The following GLUD2 variants were observed in gnomAD, a reference collection of about 807,000 sequenced individuals.
GLUD2 encodes glutamate dehydrogenase 2.
Under a neutral mutation model 16.2 loss-of-function variants are expected in GLUD2, and 11 were observed. The ratio of observed to expected loss-of-function variants is 0.68; its 90% CI spans 0.43 to 1.13. The LOEUF is 1.13. GLUD2 is among the 50% of genes most tolerant of loss of function. The pLI is 0.00. For missense variants in GLUD2, 360 were observed against 456.4 expected (o/e 0.79, Z 1.93); for synonymous variants, 147 against 181.9 (o/e 0.81, Z 1.55).
In GLUD2 at chrX:121,047,930, G is replaced by A; in HGVS notation, c.246G>A (p.Glu82=). Residue 82 remains glutamate (E), a synonymous_variant, in exon 1 of 1, where the codon GAG becomes GAA. Coordinates refer to ENST00000328078, the MANE Select transcript of GLUD2 (RefSeq NM_012084.4). ...TCGATCGCGGCGCCAGCATCGTGGA[G>A]GACAAGTTGGTGAAGGACCTGAGGA... ...GFFDRGASIV[E]DKLVKDLRTQ... The A allele has an allele frequency of 8.3e-7, 1 of 1,211,653 alleles. No individual in the cohort carries two copies. Among genetic ancestry groups the A allele is most frequent in the Non-Finnish European group, 1.1e-6 (1 of 895,619 alleles).
Position 121,048,816 on chromosome X carries a change from A to T in GLUD2, c.1132A>T (p.Ile378Leu). ...AAGCATCTTGGAGGTCGACTGTGACATACTGATCCCAGCTGCCACTGAGAA... is the reference window on the plus strand; with the variant it reads ...AAGCATCTTGGAGGTCGACTGTGACTTACTGATCCCAGCTGCCACTGAGAA... ...EGSILEVDCD[I>L]LIPAATEKQL... Residue 378 changes from isoleucine (I) to leucine (L), a missense_variant, in exon 1 of 1, where the codon ATA becomes TTA. Around this residue, in one of 3 missense-constraint regions of GLUD2, gnomAD observed 279 missense variants for 352.9 expected, o/e 0.79. Coordinates refer to ENST00000328078, the MANE Select transcript of GLUD2 (RefSeq NM_012084.4). 2.5e-6 allele frequency: 3 copies of T among 1,211,895 alleles called. No individual in the cohort carries two copies. The highest frequency in any genetic ancestry group is 2.2e-6 in the Non-Finnish European group (2 of 895,577).
In GLUD2 at chrX:121,048,516, C is replaced by T. The variant is rs1408754113; in HGVS notation, c.832C>T (p.His278Tyr). Residue 278 changes from histidine to tyrosine, a missense_variant, in exon 1 of 1, where the codon CAT (histidine) becomes TAT (tyrosine). Transcript: ENST00000328078. Reference protein sequence around the residue: ...RISATGRGVFHGIENFINEAS... With the variant: ...RISATGRGVFYGIENFINEAS... Reference sequence around the variant, plus strand: ...CTCTGCTACTGGCCGTGGTGTCTTCCATGGGATTGAAAACTTCATCAATGA... The same window carrying T: ...CTCTGCTACTGGCCGTGGTGTCTTCTATGGGATTGAAAACTTCATCAATGA... The T allele has an allele frequency of 8.3e-7, 1 of 1,211,752 alleles. No individual in the cohort carries two copies. Among genetic ancestry groups the T allele is most frequent in the Admixed American group, 2.2e-5 (1 of 46,068 alleles).
chrX:121,049,215 G>A lies in GLUD2; in HGVS notation c.1531G>A (p.Ala511Thr). The part of the protein sequence containing the change: ...SEKDIVHSAL[A>T]YTMERSARQI... ...GAAAGACATTGTGCACTCTGCCTTG[G>A]CATACACAATGGAGCGTTCTGCCAG... Residue 511 changes from alanine (A) to threonine (T), a missense_variant, in exon 1 of 1, where the codon GCA becomes ACA. By Grantham distance (58) the Ala-to-Thr change is moderately conservative (BLOSUM62 0). Around this residue, in one of 3 missense-constraint regions of GLUD2, gnomAD observed 279 missense variants for 352.9 expected, o/e 0.79. Transcript: ENST00000328078. 1 of 1,211,568 alleles carries A rather than the reference G, an allele frequency of 8.3e-7. No individual in the cohort carries two copies.
At position 121,047,832 on chromosome X, in the gene GLUD2, C is replaced by T. The variant is rs774912140; in HGVS notation, c.148C>T (p.Arg50Trp). ...GCAGCCGGGGCTCGCATTGGCCGCC[C>T]GGCGCCACTACAGCGAGTTGGTGGC... ...ASQPGLALAARRHYSELVADR... is the reference protein window; with the variant it reads ...ASQPGLALAAWRHYSELVADR... Residue 50 changes from arginine (R) to tryptophan (W), a missense_variant, in exon 1 of 1, where the codon CGG becomes TGG. Transcript: ENST00000328078. The T allele has an allele frequency of 3.0e-5, 36 of 1,207,912 alleles. No homozygotes were observed. The highest frequency in any genetic ancestry group is 5.3e-5 in the South Asian group (3 of 56,822).
Position 121,048,567 on chromosome X carries a change from A to G in GLUD2, c.883A>G (p.Met295Val), listed in dbSNP as rs749591234. The change falls in exon 1 of 1, where the codon ATG (methionine) becomes GTG (valine). Residue 295 changes from methionine to valine, a missense_variant. This residue lies in a region of GLUD2 where 279 missense variants were observed against 352.9 expected (regional missense o/e 0.79). Coordinates refer to ENST00000328078, the MANE Select transcript of GLUD2 (RefSeq NM_012084.4). ...AGCTTCTTACATGAGCATTTTAGGA[A>G]TGACACCAGGGTTTAGAGATAAAAC... ...NEASYMSILG[M>V]TPGFRDKTFV... 7 of 1,212,037 alleles carry G rather than the reference A, an allele frequency of 5.8e-6. No individual in the cohort carries two copies. Among genetic ancestry groups the G allele is most frequent in the Non-Finnish European group, 7.8e-6 (7 of 895,546 alleles).
chrX:121,048,645 C>A lies in GLUD2; in HGVS notation c.961C>A (p.His321Asn), dbSNP rs967231701. ...GGGCCTACACTCTATGAGATATTTA[C>A]ATCGTTTTGGTGCTAAATGTATTGC... The part of the protein sequence containing the change: ...NVGLHSMRYL[H>N]RFGAKCIAVG... The change falls in exon 1 of 1, where the codon CAT becomes AAT. Residue 321 changes from histidine (H) to asparagine (N), a missense_variant. His to Asn is a moderately conservative substitution (Grantham distance 68, BLOSUM62 1). Coordinates refer to ENST00000328078, the MANE Select transcript of GLUD2 (RefSeq NM_012084.4). 1.7e-6 allele frequency: 2 copies of A among 1,209,254 alleles called. No individual in the cohort carries two copies. Among genetic ancestry groups the A allele is most frequent in the African/African-American group, 3.5e-5 (2 of 57,153 alleles).
rs374160903 is a variant in GLUD2, at chrX:121,048,330, G to A, written c.646G>A (p.Gly216Ser). ...TMELAKKGFI[G>S]PGVDVPAPDM... ...GGAGCTAGCAAAGAAGGGCTTTATTGGTCCTGGCGTTGATGTGCCTGCTCC... is the reference window on the plus strand; with the variant it reads ...GGAGCTAGCAAAGAAGGGCTTTATTAGTCCTGGCGTTGATGTGCCTGCTCC... Residue 216 changes from glycine to serine, a missense_variant, in exon 1 of 1, where the codon GGT (glycine) becomes AGT (serine). By Grantham distance (56) the Gly-to-Ser change is moderately conservative (BLOSUM62 0). Around this residue, in one of 3 missense-constraint regions of GLUD2, gnomAD observed 279 missense variants for 352.9 expected, o/e 0.79. Transcript: ENST00000328078. The A allele has an allele frequency of 8.3e-7, 1 of 1,209,903 alleles. No homozygotes were observed. The highest frequency in any genetic ancestry group is 1.8e-5 in the African/African-American group (1 of 57,047).
At position 121,048,437 on chromosome X, in the gene GLUD2, A is replaced by G. The variant is rs1203955257; in HGVS notation, c.753A>G (p.Ala251=). The G allele has an allele frequency of 8.3e-7, 1 of 1,211,508 alleles. No individual in the cohort carries two copies. The highest frequency in any genetic ancestry group is 1.1e-6 in the Non-Finnish European group (1 of 895,496). The change falls in exon 1 of 1, where the codon GCA becomes GCG. Residue 251 remains alanine, a synonymous_variant. Transcript: ENST00000328078. ...CCATAGGGCACTATGATATTAATGC[A>G]CACGCCTGTGTTACTGGTAAACCCA... is the stretch of plus-strand genomic sequence containing the variant. ...ASTIGHYDIN[A]HACVTGKPIS...
In GLUD2 at chrX:121,048,427, A is replaced by C. The variant is rs759066690; in HGVS notation, c.743A>C (p.Asp248Ala). ...TATGCCAGCACCATAGGGCACTATGATATTAATGCACACGCCTGTGTTACT... is the reference window on the plus strand; with the variant it reads ...TATGCCAGCACCATAGGGCACTATGCTATTAATGCACACGCCTGTGTTACT... ...DTYASTIGHY[D>A]INAHACVTGK... Residue 248 changes from aspartate (D) to alanine (A), a missense_variant, in exon 1 of 1, where the codon GAT becomes GCT. By Grantham distance (126) the Asp-to-Ala change is moderately radical (BLOSUM62 -2). Transcript: ENST00000328078. 3.1e-5 allele frequency: 38 copies of C among 1,209,396 alleles called. No homozygotes were observed. The highest frequency in any genetic ancestry group is 4.1e-5 in the Non-Finnish European group (37 of 895,081).
chrX:121,049,204 A>G lies in GLUD2; in HGVS notation c.1520A>G (p.His507Arg). ...GGTGCATCTGAGAAAGACATTGTGC[A>G]CTCTGCCTTGGCATACACAATGGAG... is the stretch of plus-strand genomic sequence containing the variant. ...ISGASEKDIV[H>R]SALAYTMERS... The change falls in exon 1 of 1, where the codon CAC (histidine) becomes CGC (arginine). Residue 507 changes from histidine to arginine, a missense_variant. Physicochemically the swap from His to Arg is conservative, Grantham distance 29. This residue lies in a region of GLUD2 where 279 missense variants were observed against 352.9 expected (regional missense o/e 0.79). Coordinates refer to ENST00000328078, the MANE Select transcript of GLUD2 (RefSeq NM_012084.4). 8.3e-7 allele frequency: 1 copy of G among 1,211,726 alleles called. No homozygotes were observed. Among genetic ancestry groups the G allele is most frequent in the Non-Finnish European group, 1.1e-6 (1 of 895,374 alleles).
At position 121,047,649 on chromosome X, in the gene GLUD2, C is replaced by T. The variant is rs201555004; in HGVS notation, c.-36C>T. The T allele has an allele frequency of 3.1e-3, 2,955 of 948,107 alleles. 9 individuals are homozygous for T. The highest frequency in any genetic ancestry group is 3.6e-3 in the Non-Finnish European group (2,624 of 730,491). 78.1% of individuals were successfully genotyped at this position (948,107 alleles called of 1,213,427 possible). A position where few individuals can be genotyped will look rare whatever the true frequency, so the allele number is the denominator to read the frequency against. ...GGGAGTCTGAGAAAGCGCACCTGTTCCGCGACCGTCACGCACCCCTCCTCC... is the reference window on the plus strand; with the variant it reads ...GGGAGTCTGAGAAAGCGCACCTGTTTCGCGACCGTCACGCACCCCTCCTCC... On this transcript the variant is annotated 5_prime_UTR_variant, in exon 1 of 1. Transcript: ENST00000328078.
At position 121,047,695 on chromosome X, in the gene GLUD2, A is replaced by T; in HGVS notation, c.11A>T (p.Tyr4Phe). 1 of 1,091,989 alleles carries T rather than the reference A, an allele frequency of 9.2e-7. No individual in the cohort carries two copies. Among genetic ancestry groups the T allele is most frequent in the Non-Finnish European group, 1.2e-6 (1 of 833,183 alleles). 90.0% of individuals were successfully genotyped at this position (1,091,989 alleles called of 1,213,427 possible). The stretch of plus-strand genomic sequence containing the variant: ...CCTCCGCCTGCCGCGATGTACCGCT[A>T]CCTGGCCAAAGCGCTGCTGCCGTCC... MYR[Y>F]LAKALLPSRA... Residue 4 changes from tyrosine (Y) to phenylalanine (F), a missense_variant, in exon 1 of 1, where the codon TAC (tyrosine) becomes TTC (phenylalanine). Tyr to Phe is a conservative substitution (Grantham distance 22). This residue lies in a region of GLUD2 where 58 missense variants were observed against 49.9 expected (regional missense o/e 1.16). Coordinates refer to ENST00000328078, the MANE Select transcript of GLUD2 (RefSeq NM_012084.4).
chrX:121,048,918 G>C lies in GLUD2; in HGVS notation c.1234G>C (p.Glu412Gln), dbSNP rs1925433397. 1 of 1,211,948 alleles carries C rather than the reference G, an allele frequency of 8.3e-7. No homozygotes were observed. The highest frequency in any genetic ancestry group is 1.7e-5 in the African/African-American group (1 of 57,846). The stretch of plus-strand genomic sequence containing the variant: ...AGGTGCCAATGGGCCAACAACTCCA[G>C]AAGCTGATAAGATCTTCCTGGAGAG... ...AEGANGPTTP[E>Q]ADKIFLERNI... The change falls in exon 1 of 1, where the codon GAA (glutamate) becomes CAA (glutamine). Residue 412 changes from glutamate to glutamine, a missense_variant. Coordinates refer to ENST00000328078, the MANE Select transcript of GLUD2 (RefSeq NM_012084.4).
chrX:121,048,283 A>T lies in GLUD2; in HGVS notation c.599A>T (p.Lys200Met). The change falls in exon 1 of 1, where the codon AAG (lysine) becomes ATG (methionine). Residue 200 changes from lysine (K) to methionine (M), a missense_variant. Transcript: ENST00000328078. ...PKNYTENELEKITRRFTMELA... is the reference protein window; with the variant it reads ...PKNYTENELEMITRRFTMELA... ...AACTATACCGAAAATGAATTGGAAA[A>T]GATCACAAGGAGGTTCACCATGGAG... The T allele has an allele frequency of 1.7e-6, 2 of 1,211,849 alleles. No individual in the cohort carries two copies. Among genetic ancestry groups the T allele is most frequent in the Non-Finnish European group, 1.1e-6 (1 of 895,435 alleles).
chrX:121,049,132 G>A lies in GLUD2; in HGVS notation c.1448G>A (p.Gly483Glu). 1 of 1,211,730 alleles carries A rather than the reference G, an allele frequency of 8.3e-7. No individual in the cohort carries two copies. Among genetic ancestry groups the A allele is most frequent in the African/African-American group, 1.7e-5 (1 of 57,815 alleles). The change falls in exon 1 of 1, where the codon GGA (glycine) becomes GAA (glutamate). Residue 483 changes from glycine (G) to glutamate (E), a missense_variant. Physicochemically the swap from Gly to Glu is moderately conservative, Grantham distance 98. Around this residue, in one of 3 missense-constraint regions of GLUD2, gnomAD observed 279 missense variants for 352.9 expected, o/e 0.79. Transcript: ENST00000328078. ...SLERKFGKHGGTIPIVPTAEF... is the reference protein window; with the variant it reads ...SLERKFGKHGETIPIVPTAEF... ...GAAAGAAAATTTGGAAAGCATGGTGGAACTATTCCCATTGTACCCACGGCA... is the reference window on the plus strand; with the variant it reads ...GAAAGAAAATTTGGAAAGCATGGTGAAACTATTCCCATTGTACCCACGGCA...
In GLUD2 at chrX:121,048,459, CCCATCAG is replaced by C. The variant is rs1442807529; in HGVS notation, c.779_785del (p.Ile260LysfsTer29). 1 of 1,209,685 alleles carries C rather than the reference CCCATCAG, an allele frequency of 8.3e-7. No individual in the cohort carries two copies. The highest frequency in any genetic ancestry group is 1.1e-6 in the Non-Finnish European group (1 of 895,240). On this transcript the variant is annotated frameshift_variant, in exon 1 of 1. Transcript: ENST00000328078. LOFTEE classifies it high-confidence loss of function. ...TGCACACGCCTGTGTTACTGGTAAACCCATCAGCCAAGGGGGAATCCATGGACGCATC... is the reference window on the plus strand; with the variant it reads ...TGCACACGCCTGTGTTACTGGTAAACCCAAGGGGGAATCCATGGACGCATC...
rs1442787411 is a variant in GLUD2, at chrX:121,049,115, A to G, written c.1431A>G (p.Lys477=). Residue 477 remains lysine (K), a synonymous_variant, in exon 1 of 1, where the codon AAA becomes AAG. Transcript: ENST00000328078. ...CTGTTCAAGAGAGTTTAGAAAGAAA[A>G]TTTGGAAAGCATGGTGGAACTATTC... ...LLSVQESLER[K]FGKHGGTIPI... is the part of the protein sequence containing the mutation. The G allele has an allele frequency of 3.3e-6, 4 of 1,211,896 alleles. No homozygotes were observed. The Admixed American group carries it at 6.5e-5, about 20-fold the overall frequency.
At position 121,049,311 on chromosome X, in the gene GLUD2, A is replaced by G; in HGVS notation, c.1627A>G (p.Ile543Val). The G allele has an allele frequency of 1.7e-6, 2 of 1,211,003 alleles. No homozygotes were observed. Among genetic ancestry groups the G allele is most frequent in the South Asian group, 1.8e-5 (1 of 56,966 alleles). ...GAGAACAGCTGCCTATGTCAATGCC[A>G]TTGAAAAAGTCTTCAAAGTGTACAG... ...DLRTAAYVNA[I>V]EKVFKVYSEA... is the part of the protein sequence containing the mutation. Residue 543 changes from isoleucine to valine, a missense_variant, in exon 1 of 1, where the codon ATT (isoleucine) becomes GTT (valine). Coordinates refer to ENST00000328078, the MANE Select transcript of GLUD2 (RefSeq NM_012084.4).
In GLUD2 at chrX:121,049,620, G is replaced by A. The variant is rs1247329285; in HGVS notation, c.*259G>A. 1 of 406,869 alleles carries A rather than the reference G, an allele frequency of 2.5e-6. No individual in the cohort carries two copies. The highest frequency in any genetic ancestry group is 4.5e-5 in the East Asian group (1 of 22,393). 33.5% of individuals were successfully genotyped at this position (406,869 alleles called of 1,213,427 possible). ...AATAAAAAGCCTCCTCCATATGGCT[G>A]TGCAGCCTTGCTCTGTGGCTTTTCC... is the stretch of plus-strand genomic sequence containing the variant. On this transcript the variant is annotated 3_prime_UTR_variant, in exon 1 of 1. Transcript: ENST00000328078.
Sources: allele counts gnomAD v4.1 joint callset, GRCh38; gene constraint gnomAD v4.1.1; regional missense constraint gnomAD v4.1.1; transcripts MANE v1.5; gene names NCBI Gene and HGNC (gene_info 2026-07-23, HGNC 2026-07-21).